The following MARK4 variants were observed in gnomAD, a reference collection of about 807,000 sequenced individuals.
MARK4 encodes microtubule affinity regulating kinase 4.
A neutral mutation model predicts 81.5 loss-of-function variants in MARK4; 19 were observed. That is an observed-to-expected ratio of 0.23 (90% CI 0.16 to 0.34). The LOEUF is 0.34. Among genes scored for constraint, MARK4 ranks in the 10% least tolerant of loss-of-function variants. The probability of loss-of-function intolerance (pLI) is 1.00; values close to 1 mark genes in which losing one functional copy is unlikely to be tolerated. For missense variants in MARK4, 772 were observed against 1,058.8 expected, an observed-to-expected ratio of 0.73 and a Z score of 3.76; for synonymous variants, 436 against 439.0, an observed-to-expected ratio of 0.99 and a Z score of 0.08.
At chr19:45,278,471 C>G (rs774106922) in intron 9 of MARK4, 45 bp from the exon 10 acceptor site, 1 of 1,545,864 alleles carries the variant, frequency 6.5e-7, no homozygotes, top group Non-Finnish European at 8.9e-7. Context: ...TTTCTGGTTC[C>G]TTCTGACACC....
chr19:45,283,491 G>A (rs1970704169), intron 12 of MARK4, among the ~76,000 whole-genome samples: 1 of 150,086 alleles, frequency 6.7e-6, no homozygotes, highest in South Asian at 2.1e-4. Flanking sequence ...CTATGTCGAT[G>A]AATTTGGCTA....
At chr19:45,261,314 A>G (rs1399981182) in intron 2 of MARK4, among the ~76,000 whole-genome samples, 1 of 152,224 alleles carries the variant, frequency 6.6e-6, no homozygotes, top group African/African-American at 2.4e-5. Flanking sequence ...ACAAAATATT[A>G]ACAAACAGAA....
intron 4 of MARK4, among the ~76,000 whole-genome samples, chr19:45,264,008 G>A (rs185049390): frequency 9.5e-4 from 144 of 152,288 alleles, no homozygotes; most frequent in African/African-American, 2.7e-3. Context: ...GGGCAGAGGC[G>A]GGAGTGAGGG....
At chr19:45,297,464 T>C (rs1970901170) in intron 14 of MARK4, among the ~76,000 whole-genome samples, 1 of 152,024 alleles carries the variant, frequency 6.6e-6, no homozygotes, top group Non-Finnish European at 1.5e-5. Context: ...AAGGGACAGT[T>C]TGAAGGAGGG....
At chr19:45,275,749 G>T (rs1056175502) in intron 8 of MARK4, among the ~76,000 whole-genome samples, 2 of 152,228 alleles carry the variant, frequency 1.3e-5, no homozygotes, top group Non-Finnish European at 2.9e-5. Flanking sequence ...CAACCTCCTC[G>T]TCTGGAAAGT....
intron 1 of MARK4, among the ~76,000 whole-genome samples, chr19:45,257,662 C>T (rs151165225): frequency 0.19 from 27,401 of 146,110 alleles, 3,217 homozygotes; most frequent in South Asian, 0.28. Flanking sequence ...GGATTACAGG[C>T]GTGAGCCACC....
Position 45,259,012 on chromosome 19 carries a change from C to T in MARK4, c.75C>T (p.Arg25=). 1 of 1,613,074 alleles carries T rather than the reference C, an allele frequency of 6.2e-7. No individual in the cohort carries two copies. The highest frequency in any genetic ancestry group is 8.5e-7 in the Non-Finnish European group (1 of 1,179,944). The change falls in exon 2 of 17, where the codon CGC becomes CGT. Residue 25 remains arginine (R), a synonymous_variant. Coordinates refer to ENST00000262891, the MANE Select transcript of MARK4 (RefSeq NM_001199867.2). ...SDTHGTLGSG[R]SSDKGPSWSS... ...AGCATGGCACCTTGGGCAGTGGCCG[C>T]TCCTCGGACAAAGGCCCGTCCTGGT... is the stretch of plus-strand genomic sequence containing the variant.
At chr19:45,292,804 C>T (rs142949792) in intron 13 of MARK4, among the ~76,000 whole-genome samples, 1,902 of 151,662 alleles carry the variant, frequency 0.013, 30 homozygotes, top group African/African-American at 0.044. Context: ...GCCAGGAGGT[C>T]GAGGCTGCAG....
Position 45,259,195 on chromosome 19 carries a change from T to C in MARK4, c.252+6T>C. ...ACATCCTCACTGGTCGGGAGGTGAG[T>C]ATGGGCACAGGGTGGGGCTCGGGGC... On this transcript the variant is annotated splice_donor_region_variant and intron_variant, in intron 2 of 16. Transcript: ENST00000262891. 1 of 1,613,344 alleles carries C rather than the reference T, an allele frequency of 6.2e-7. No homozygotes were observed. Among genetic ancestry groups the C allele is most frequent in the Non-Finnish European group, 8.5e-7 (1 of 1,179,816 alleles).
In MARK4 at chr19:45,303,871, G is replaced by C. The variant is rs892315361; in HGVS notation, c.*1161G>C. 1 of 152,260 alleles carries C rather than the reference G, an allele frequency of 6.6e-6. No individual in the cohort carries two copies. The highest frequency in any genetic ancestry group is 1.5e-5 in the Non-Finnish European group (1 of 68,048). The allele number at this position is 152,260 out of a possible 1,614,324, so 9.4% of individuals were successfully genotyped here. On this transcript the variant is annotated 3_prime_UTR_variant, in exon 17 of 17. Coordinates refer to ENST00000262891, the MANE Select transcript of MARK4 (RefSeq NM_001199867.2). ...ATGCTGGAATGGGGTGTTGAAGGAT[G>C]AGTAGGAGTTAGTTAGGCATTGAGT...
In MARK4 at chr19:45,258,874, G is replaced by A. The variant is rs1022817653; in HGVS notation, c.52-115G>A. 5 of 1,120,434 alleles carry A rather than the reference G, an allele frequency of 4.5e-6. No individual in the cohort carries two copies. In the African/African-American group the frequency reaches 7.9e-5, roughly 18 times the overall value. 69.4% of individuals were successfully genotyped at this position (1,120,434 alleles called of 1,614,324 possible). Reference sequence around the variant, plus strand: ...AAGGATGCTTGGCTCTCTGGGGCCTGAGTTTGAAAAGGGCCACGGAGGGGC... The same window carrying A: ...AAGGATGCTTGGCTCTCTGGGGCCTAAGTTTGAAAAGGGCCACGGAGGGGC... On this transcript the variant is annotated intron_variant, in intron 1 of 16. Transcript: ENST00000262891.
intron 1 of MARK4, 62 bp from the exon 2 acceptor site, chr19:45,258,927 C>T: frequency 6.4e-7 from 1 of 1,564,082 alleles, no homozygotes. Context: ...GTTAAGTGCA[C>T]TAGCCCACGG....
intron 7 of MARK4, among the ~76,000 whole-genome samples, chr19:45,269,985 G>A (rs565419427): frequency 2.7e-4 from 41 of 152,078 alleles, no homozygotes; most frequent in South Asian, 4.2e-4. Flanking sequence ...CCGCCACCAC[G>A]CCTGGCTAAT....
intron 6 of MARK4, 42 bp from the exon 7 acceptor site, chr19:45,266,183 T>C (rs777472322): frequency 1.2e-6 from 2 of 1,605,254 alleles, no homozygotes; most frequent in African/African-American, 2.7e-5. Flanking sequence ...AGGCTGAGGG[T>C]TTTGGGAGCC....
At position 45,297,971 on chromosome 19, in the gene MARK4, T is replaced by C. The variant is rs771878175; in HGVS notation, c.1877+17T>C. On this transcript the variant is annotated intron_variant, in intron 15 of 16. Coordinates refer to ENST00000262891, the MANE Select transcript of MARK4 (RefSeq NM_001199867.2). Reference sequence around the variant, plus strand: ...GACCCGAAGGTGAGCTCCGCGGGGATGGCAGGGGCAGGGCGGGGCGGGGGG... The same window carrying C: ...GACCCGAAGGTGAGCTCCGCGGGGACGGCAGGGGCAGGGCGGGGCGGGGGG... The C allele has an allele frequency of 1.2e-5, 16 of 1,308,518 alleles. No individual in the cohort carries two copies. Among genetic ancestry groups the C allele is most frequent in the Middle Eastern group, 1.9e-4 (1 of 5,194 alleles). 81.1% of individuals were successfully genotyped at this position (1,308,518 alleles called of 1,614,324 possible).
chr19:45,252,050 A>G (rs1052369579), intron 1 of MARK4, among the ~76,000 whole-genome samples: 1 of 151,642 alleles, frequency 6.6e-6, no homozygotes, highest in Non-Finnish European at 1.5e-5. Context: ...TGGCACTCTC[A>G]GCAGGGCCTG....
chr19:45,269,171 G>A (rs1263910244), intron 7 of MARK4, among the ~76,000 whole-genome samples: 1 of 152,134 alleles, frequency 6.6e-6, no homozygotes, highest in African/African-American at 2.4e-5. Context: ...CTGAGGTCAG[G>A]AGTTCGAGAC....
chr19:45,302,948 C>A lies in MARK4; in HGVS notation c.*238C>A. ...CCTGGAGCCTCCAGCCAGTCCTGTC[C>A]TCCCTCGCCCTACCAAGAGGGCACC... On this transcript the variant is annotated 3_prime_UTR_variant, in exon 17 of 17. Transcript: ENST00000262891. The surrounding 1 kb of genome is among the most constrained non-coding windows in gnomAD (Gnocchi z 4.9). 1 of 625,502 alleles carries A rather than the reference C, an allele frequency of 1.6e-6. No homozygotes were observed. Among genetic ancestry groups the A allele is most frequent in the Non-Finnish European group, 2.7e-6 (1 of 372,576 alleles). The allele number at this position is 625,502 out of a possible 1,614,324, so 38.7% of individuals were successfully genotyped here.
rs1441812232 is a variant in MARK4 at position 45,290,569 on chromosome 19, G to A, written c.1494+2905G>A. Among the ~76,000 whole-genome samples the A allele has an allele frequency of 2.6e-5, 4 of 152,358 alleles. No individual in the cohort carries two copies. In the South Asian group the frequency reaches 6.2e-4, roughly 24 times the overall value. The stretch of plus-strand genomic sequence containing the variant: ...CGGCTTTGACCAGCCTTGACTGGCC[G>A]TGACAACCCTTGGCCAACGGTATCT... On this transcript the variant is annotated intron_variant, in intron 13 of 16. Coordinates refer to ENST00000262891, the MANE Select transcript of MARK4 (RefSeq NM_001199867.2).
Sources: gnomAD v4.1 joint callset for allele counts (sites outside exome capture counted in the v4.1 genomes callset) on GRCh38, gnomAD v4.1.1 for gene constraint, Gnocchi (gnomAD v3.1) non-coding constraint, MANE v1.5 for transcripts, NCBI Gene and HGNC (gene_info 2026-07-23, HGNC 2026-07-21) for gene names.